The following CDYL variants were observed in gnomAD, a reference collection of about 807,000 sequenced individuals.
The protein encoded by CDYL is chromodomain Y like, also known as chromodomain Y-like protein.
CDYL carries 8 observed loss-of-function variants against 47.3 expected under a neutral mutation model. The observed-to-expected ratio is 0.17, with a 90% CI of 0.10 to 0.31. The LOEUF (loss-of-function observed/expected upper bound fraction) is 0.31, where lower values mean the gene tolerates loss of function less well. Among genes scored for constraint, CDYL ranks in the 10% least tolerant of loss-of-function variants. CDYL has a pLI of 1.00. For synonymous variants in CDYL, 266 were observed against 265.0 expected, an observed-to-expected ratio of 1.00 and a Z score of -0.04; for missense variants, 471 against 701.4, an observed-to-expected ratio of 0.67 and a Z score of 3.71.
chr6:4,902,755 C>G (rs1241614922), intron 2 of CDYL, among the ~76,000 whole-genome samples: 2 of 152,126 alleles, frequency 1.3e-5, no homozygotes, highest in Non-Finnish European at 2.9e-5. Context: ...GAGTCCAATT[C>G]TCCAAGGCTC....
chr6:4,776,746 C>CCCCCCCA lies in CDYL; in HGVS notation c.-38_-37insCCCCCCA. 8.6e-7 allele frequency: 1 copy of CCCCCCCA among 1,160,766 alleles called. No homozygotes were observed. Among genetic ancestry groups the CCCCCCCA allele is most frequent in the Non-Finnish European group, 1.1e-6 (1 of 884,602 alleles). The allele number at this position is 1,160,766 out of a possible 1,614,324, so 71.9% of individuals were successfully genotyped here. A position where few individuals can be genotyped will look rare whatever the true frequency, so the allele number is the denominator to read the frequency against. On this transcript the variant is annotated 5_prime_UTR_variant, in exon 1 of 7. Transcript: ENST00000397588. Reference sequence around the variant, plus strand: ...GGCCGCCCGGCGCCGGCGCCCGCCCCGACCCTGCCCCTCCCGCCCGCAACT... The same window carrying CCCCCCCA: ...GGCCGCCCGGCGCCGGCGCCCGCCCCCCCCCCAGACCCTGCCCCTCCCGCCCGCAACT...
At chr6:4,820,035 C>T (rs1299125212) in intron 1 of CDYL, among the ~76,000 whole-genome samples, 3 of 152,038 alleles carry the variant, frequency 2.0e-5, no homozygotes, top group Admixed American at 6.5e-5. Flanking sequence ...GAGGGGCCAT[C>T]CTAGGCCGTG....
At chr6:4,790,412 C>T (rs970954659) in intron 1 of CDYL, among the ~76,000 whole-genome samples, 1 of 152,120 alleles carries the variant, frequency 6.6e-6, no homozygotes, top group African/African-American at 2.4e-5. Flanking sequence ...TATTTTTCTC[C>T]AAGACACATA....
chr6:4,838,359 A>G (rs757730061), intron 1 of CDYL, among the ~76,000 whole-genome samples: 1 of 150,684 alleles, frequency 6.6e-6, no homozygotes, highest in African/African-American at 2.4e-5. Flanking sequence ...ATGCCTTTGC[A>G]TCTTCATAGC....
intron 1 of CDYL, among the ~76,000 whole-genome samples, chr6:4,851,652 C>G (rs1214528891): frequency 1.3e-5 from 2 of 152,254 alleles, no homozygotes; most frequent in Non-Finnish European, 2.9e-5. Context: ...TAATTCTTCA[C>G]TGCATTCGCA....
At chr6:4,953,865 C>T (rs776051806) in intron 6 of CDYL, 33 bp from the exon 7 acceptor site, 2 of 1,601,312 alleles carry the variant, frequency 1.2e-6, no homozygotes, top group Non-Finnish European at 1.7e-6. Context: ...CCCGCATGCA[C>T]CCTGCTAACT....
At position 4,797,031 on chromosome 6, in the gene CDYL, A is replaced by T. The variant is rs1349133962; in HGVS notation, c.24+20224A>T. ...TGAATTCTGCTTATCTGTTATTTTG[A>T]TTAAATTATTCAATAATTTCTCCTG... On this transcript the variant is annotated intron_variant, in intron 1 of 6. Coordinates refer to ENST00000397588, the MANE Select transcript of CDYL (RefSeq NM_004824.4). Among the ~76,000 whole-genome samples, 3 of 152,108 alleles carry T rather than the reference A, an allele frequency of 2.0e-5. No homozygotes were observed. The East Asian group carries it at 5.8e-4, about 29-fold the overall frequency.
chr6:4,827,535 C>T (rs1377039368), intron 1 of CDYL, among the ~76,000 whole-genome samples: 1 of 152,232 alleles, frequency 6.6e-6, no homozygotes, highest in African/African-American at 2.4e-5. Flanking sequence ...ATATCAGCTT[C>T]AATAGCATAC....
intron 2 of CDYL, among the ~76,000 whole-genome samples, chr6:4,929,525 C>CACACACACACACACACACACAT (rs1017452970): frequency 6.8e-6 from 1 of 147,774 alleles, no homozygotes; most frequent in African/African-American, 2.6e-5. Flanking sequence ...CACACACACA[C>CACACACACACACACACACACAT]ATACATACAC....
chr6:4,781,868 G>T (rs756731417), intron 1 of CDYL, among the ~76,000 whole-genome samples: 1 of 152,158 alleles, frequency 6.6e-6, no homozygotes, highest in Non-Finnish European at 1.5e-5. Context: ...AGCACTCCTA[G>T]GTGGAACAGG....
chr6:4,872,545 T>C (rs1371025477), intron 1 of CDYL, among the ~76,000 whole-genome samples: 29 of 152,054 alleles, frequency 1.9e-4, no homozygotes, highest in Non-Finnish European at 3.5e-4. Flanking sequence ...CATGCCTGGC[T>C]AATCTTTTGT....
chr6:4,724,913 TTC>T (rs1186159566), intron 2 of CDYL: 15 of 152,344 alleles, frequency 9.8e-5, no homozygotes, highest in South Asian at 2.1e-4. Context: ...CCTGCTTTTA[TTC>T]TCTTACCTGG....
At chr6:4,801,138 C>G (rs1255053200) in intron 1 of CDYL, among the ~76,000 whole-genome samples, 1 of 152,190 alleles carries the variant, frequency 6.6e-6, no homozygotes, top group Non-Finnish European at 1.5e-5. Context: ...CAGAACCAAG[C>G]ATCAATCCGT....
At chr6:4,777,030 G>C (rs1385110382) in intron 1 of CDYL, among the ~76,000 whole-genome samples, 12 of 148,964 alleles carry the variant, frequency 8.1e-5, no homozygotes, top group Non-Finnish European at 1.8e-4. Flanking sequence ...GGGTGGGGGG[G>C]GGGGTCCCAG....
intron 4 of CDYL, among the ~76,000 whole-genome samples, chr6:4,940,593 A>T (rs1328145403): frequency 6.6e-6 from 1 of 152,206 alleles, no homozygotes; most frequent in Non-Finnish European, 1.5e-5. Flanking sequence ...TTGCAGGGTA[A>T]TTGCAACAAA....
intron 1 of CDYL, among the ~76,000 whole-genome samples, chr6:4,706,766 G>A (rs1757053956): frequency 6.6e-6 from 1 of 152,164 alleles, no homozygotes; most frequent in Non-Finnish European, 1.5e-5. Flanking sequence ...TCCAGCCTGG[G>A]TGACAGTGAG....
At chr6:4,885,406 A>G (rs1761874649) in intron 1 of CDYL, among the ~76,000 whole-genome samples, 1 of 152,202 alleles carries the variant, frequency 6.6e-6, no homozygotes, top group Non-Finnish European at 1.5e-5. Context: ...TCTCCATGCC[A>G]TAGATGCTAC....
intron 2 of CDYL, among the ~76,000 whole-genome samples, chr6:4,721,440 C>G (rs140950454): frequency 1.3e-5 from 2 of 152,008 alleles, no homozygotes; most frequent in African/African-American, 4.8e-5. Flanking sequence ...TGGAGTGCAG[C>G]GGCATGATCT....
chr6:4,752,610 C>T (rs999696406), intron 3 of CDYL, among the ~76,000 whole-genome samples: 3 of 152,134 alleles, frequency 2.0e-5, no homozygotes, highest in Admixed American at 6.5e-5. Context: ...AGCACTAAAA[C>T]AATCAAATCT....
Sources: allele counts gnomAD v4.1 joint callset (sites outside exome capture counted in the v4.1 genomes callset), GRCh38; gene constraint gnomAD v4.1.1; transcripts MANE v1.5; gene names NCBI Gene and HGNC (gene_info 2026-07-23, HGNC 2026-07-21).